ARHGAP10: variants seen among roughly 807,000 people sequenced by gnomAD.
ARHGAP10 encodes the protein Rho GTPase activating protein 10, also known as rho GTPase-activating protein 10.
In ARHGAP10, 87 loss-of-function variants were observed where a neutral mutation model predicts 108.6. The observed-to-expected ratio is 0.80, with a 90% CI of 0.67 to 0.96. The LOEUF (loss-of-function observed/expected upper bound fraction) is 0.96, where lower values mean the gene tolerates loss of function less well. Among genes scored for constraint, ARHGAP10 ranks in the 40% least tolerant of loss-of-function variants. The probability of loss-of-function intolerance (pLI) is 0.00; values close to 1 mark genes in which losing one functional copy is unlikely to be tolerated. For synonymous variants in ARHGAP10, 347 were observed against 341.1 expected (o/e 1.02, Z -0.19); for missense variants, 939 against 954.5 (o/e 0.98, Z 0.21).
chr4:147,923,312 G>GC (rs1737323241), intron 13 of ARHGAP10, among the ~76,000 whole-genome samples: 1 of 152,054 alleles, frequency 6.6e-6, no homozygotes, highest in Admixed American at 6.5e-5. Flanking sequence ...CAAATGAGCC[G>GC]CCCCCCATGA....
At chr4:147,943,166 T>A (rs1358493557) in intron 14 of ARHGAP10, among the ~76,000 whole-genome samples, 1 of 152,206 alleles carries the variant, frequency 6.6e-6, no homozygotes, top group Non-Finnish European at 1.5e-5. Context: ...CCTACTTTAG[T>A]TTAAAACATC....
intron 18 of ARHGAP10, among the ~76,000 whole-genome samples, chr4:148,004,846 A>T (rs1740882360): frequency 6.6e-6 from 1 of 152,204 alleles, no homozygotes; most frequent in African/African-American, 2.4e-5. Context: ...CTCTGGACCC[A>T]TGGGAACTTT....
chr4:147,935,352 G>A (rs147326065), intron 13 of ARHGAP10, among the ~76,000 whole-genome samples: 299 of 152,330 alleles, frequency 2.0e-3, no homozygotes, highest in African/African-American at 6.9e-3. Context: ...AAAGATAGAA[G>A]ACAGTGTTCA....
intron 4 of ARHGAP10, among the ~76,000 whole-genome samples, chr4:147,854,492 G>A (rs991232471): frequency 1.3e-5 from 2 of 152,050 alleles, no homozygotes; most frequent in African/African-American, 2.4e-5. Flanking sequence ...TTCAGTTTTT[G>A]TAATGTCTGA....
chr4:147,931,631 A>G (rs1016538138), intron 13 of ARHGAP10, among the ~76,000 whole-genome samples: 2 of 152,154 alleles, frequency 1.3e-5, no homozygotes, highest in Non-Finnish European at 2.9e-5. Context: ...TTTCCAGGCA[A>G]TACCTCTGTA....
chr4:147,814,876 C>T (rs1011366131), intron 1 of ARHGAP10, among the ~76,000 whole-genome samples: 2 of 152,152 alleles, frequency 1.3e-5, no homozygotes, highest in Admixed American at 6.5e-5. Flanking sequence ...GACACATTCT[C>T]AGGTTCTGGG....
chr4:147,988,811 A>C (rs956243101), intron 18 of ARHGAP10, among the ~76,000 whole-genome samples: 4 of 152,178 alleles, frequency 2.6e-5, no homozygotes, highest in Admixed American at 2.6e-4. Context: ...CCTCAGACTC[A>C]TGCTTTATTC....
chr4:147,871,105 G>A (rs1307821911), intron 7 of ARHGAP10, among the ~76,000 whole-genome samples: 1 of 151,962 alleles, frequency 6.6e-6, no homozygotes, highest in Non-Finnish European at 1.5e-5. Context: ...GACTACAGGT[G>A]CCCGCCACCG....
chr4:147,946,605 C>G lies in ARHGAP10; in HGVS notation c.1304-12C>G. ...GTTTTAATTATTTTTTTCTTGTTTG[C>G]TTGCTCACTAGATGTAAAAACATGC... On this transcript the variant is annotated splice_polypyrimidine_tract_variant and intron_variant, in intron 14 of 22. Transcript: ENST00000336498. 1 of 1,606,930 alleles carries G rather than the reference C, an allele frequency of 6.2e-7. No homozygotes were observed. The highest frequency in any genetic ancestry group is 8.5e-7 in the Non-Finnish European group (1 of 1,177,168).
intron 16 of ARHGAP10, among the ~76,000 whole-genome samples, chr4:147,964,693 G>A (rs537264120): frequency 2.0e-4 from 30 of 152,236 alleles, no homozygotes; most frequent in African/African-American, 7.0e-4. Context: ...AGACCCCATC[G>A]AGTAAACGAT....
At chr4:147,874,163 T>C (rs1734963712) in intron 7 of ARHGAP10, among the ~76,000 whole-genome samples, 1 of 152,218 alleles carries the variant, frequency 6.6e-6, no homozygotes, top group Non-Finnish European at 1.5e-5. Flanking sequence ...CCCCTTTTAT[T>C]GTAGGGAGGA....
At chr4:147,802,675 C>CT (rs996729139) in intron 1 of ARHGAP10, among the ~76,000 whole-genome samples, 2 of 152,230 alleles carry the variant, frequency 1.3e-5, no homozygotes, top group Non-Finnish European at 2.9e-5. Flanking sequence ...GTAACTTCTA[C>CT]TTACACTGGT....
At position 147,807,668 on chromosome 4, in the gene ARHGAP10, C is replaced by T. The variant is rs1731845664; in HGVS notation, c.155-15059C>T. Among the ~76,000 whole-genome samples, 5 of 152,188 alleles carry T rather than the reference C, an allele frequency of 3.3e-5. No individual in the cohort carries two copies. In the South Asian group the frequency reaches 1.0e-3, roughly 32 times the overall value. ...TGAAACCAAATTATTATATATCAAA[C>T]TTGTAATAGAGCAAATAAAGACTGT... On this transcript the variant is annotated intron_variant, in intron 1 of 22. Transcript: ENST00000336498.
At chr4:147,876,049 C>T (rs954113546) in intron 8 of ARHGAP10, among the ~76,000 whole-genome samples, 35 of 152,086 alleles carry the variant, frequency 2.3e-4, no homozygotes, top group African/African-American at 6.8e-4. Context: ...ACTTTCAATC[C>T]GACCTAAAAA....
chr4:147,955,016 G>A (rs1429629809), intron 15 of ARHGAP10, among the ~76,000 whole-genome samples: 1 of 151,926 alleles, frequency 6.6e-6, no homozygotes, highest in Non-Finnish European at 1.5e-5. Context: ...TGTGTAGAAG[G>A]AAGTTTTATA....
At chr4:148,067,766 C>A (rs1204011962) in intron 22 of ARHGAP10, among the ~76,000 whole-genome samples, 5 of 152,150 alleles carry the variant, frequency 3.3e-5, no homozygotes, top group Admixed American at 3.3e-4. Flanking sequence ...AGTAGTTATG[C>A]GTTTGGGATG....
At chr4:147,937,252 G>A (rs1347584828) in intron 13 of ARHGAP10, among the ~76,000 whole-genome samples, 1 of 152,080 alleles carries the variant, frequency 6.6e-6, no homozygotes, top group Admixed American at 6.6e-5. Context: ...TCTGGCATGG[G>A]GATAGCTGTC....
At chr4:148,041,830 C>CTG (rs1728645306) in intron 19 of ARHGAP10, among the ~76,000 whole-genome samples, 1 of 152,192 alleles carries the variant, frequency 6.6e-6, no homozygotes, top group Non-Finnish European at 1.5e-5. Context: ...CAAAAGAACA[C>CTG]TGTGTTGTAT....
intron 20 of ARHGAP10, among the ~76,000 whole-genome samples, chr4:148,053,139 G>T (rs533575626): frequency 6.6e-6 from 1 of 152,140 alleles, no homozygotes; most frequent in Non-Finnish European, 1.5e-5. Context: ...ATTGGAAGGC[G>T]CAAAGGACAT....
Sources: allele counts gnomAD v4.1 joint callset (sites outside exome capture counted in the v4.1 genomes callset), GRCh38; gene constraint gnomAD v4.1.1; transcripts MANE v1.5; gene names NCBI Gene and HGNC (gene_info 2026-07-23, HGNC 2026-07-21).